The following PLGRKT variants were observed in gnomAD, a reference collection of about 807,000 sequenced individuals.
PLGRKT encodes the protein plasminogen receptor (KT).
Under a neutral mutation model 18.5 loss-of-function variants are expected in PLGRKT, and 22 were observed. The ratio of observed to expected loss-of-function variants is 1.19; its 90% confidence interval spans 0.85 to 1.70. PLGRKT has a LOEUF of 1.70. Among genes scored for constraint, PLGRKT ranks in the 40% most tolerant of loss-of-function variants. PLGRKT has a pLI of 0.00. For synonymous variants in PLGRKT, 72 were observed against 52.8 expected (o/e 1.36, Z -1.58); for missense variants, 235 against 174.4 (o/e 1.35, Z -1.96).
chr9:5,372,388 A>G (rs998887310), intron 3 of PLGRKT, among the ~76,000 whole-genome samples: 1 of 152,148 alleles, frequency 6.6e-6, no homozygotes, highest in Non-Finnish European at 1.5e-5. Flanking sequence ...CCCAAACCCT[A>G]TGAGGTTAGT....
rs938303894 is a variant in PLGRKT at position 5,402,844 on chromosome 9, A to C, written c.81+29053T>G. On this transcript the variant is annotated intron_variant, in intron 3 of 5. Coordinates refer to ENST00000223864, the MANE Select transcript of PLGRKT (RefSeq NM_018465.4). ...CTTAACGTTTTTGAAATTTAGGAAG[A>C]AATGATGGTTAGCACAAATCAGAAT... 2.0e-5 allele frequency among the ~76,000 whole-genome samples: 3 copies of C among 152,000 alleles called. 1 individual carries two copies. The highest frequency in any genetic ancestry group is 1.3e-4 in the Admixed American group (2 of 15,272).
intron 3 of PLGRKT, among the ~76,000 whole-genome samples, chr9:5,369,349 T>C (rs1817466118): frequency 6.6e-6 from 1 of 152,212 alleles, no homozygotes; most frequent in Non-Finnish European, 1.5e-5. Flanking sequence ...ATGCTCATCA[T>C]CACTGGTCAT....
chr9:5,372,266 T>C (rs9785219), intron 3 of PLGRKT, among the ~76,000 whole-genome samples: 23,706 of 152,034 alleles, frequency 0.16, 2,057 homozygotes, highest in East Asian at 0.3. Flanking sequence ...AATTGCAGCA[T>C]GCTTGATTTT....
intron 3 of PLGRKT, among the ~76,000 whole-genome samples, chr9:5,391,186 A>T (rs1290487264): frequency 6.6e-6 from 1 of 151,950 alleles, no homozygotes; most frequent in African/African-American, 2.4e-5. Context: ...AAAATCACTG[A>T]TTTGAGGCAA....
chr9:5,365,208 T>A (rs1411550309), intron 3 of PLGRKT, among the ~76,000 whole-genome samples: 1 of 152,122 alleles, frequency 6.6e-6, no homozygotes, highest in Non-Finnish European at 1.5e-5. Context: ...CTACAGAATC[T>A]TATAGTGCCA....
chr9:5,375,246 A>C (rs904128052), intron 3 of PLGRKT, among the ~76,000 whole-genome samples: 2 of 152,196 alleles, frequency 1.3e-5, no homozygotes, highest in Non-Finnish European at 2.9e-5. Context: ...GCCTAATTTG[A>C]TAGTATTGAC....
intron 2 of PLGRKT, among the ~76,000 whole-genome samples, chr9:5,432,531 T>C (rs1177279590): frequency 2.3e-5 from 3 of 130,464 alleles, no homozygotes; most frequent in South Asian, 5.7e-4. Flanking sequence ...ACGGTCTCCC[T>C]CTCTTGCGGA....
chr9:5,396,315 T>C (rs1818047480), intron 3 of PLGRKT, among the ~76,000 whole-genome samples: 1 of 151,858 alleles, frequency 6.6e-6, no homozygotes, highest in Non-Finnish European at 1.5e-5. Flanking sequence ...AGACAGGGTG[T>C]CACTCTGTAG....
At position 5,429,991 on chromosome 9, in the gene PLGRKT, C is replaced by G. The variant is rs1355786219; in HGVS notation, c.81+1906G>C. Among the ~76,000 whole-genome samples, 3 of 152,134 alleles carry G rather than the reference C, an allele frequency of 2.0e-5. No individual in the cohort carries two copies. In the East Asian group the frequency reaches 5.8e-4, roughly 29 times the overall value. On this transcript the variant is annotated intron_variant, in intron 3 of 5. Coordinates refer to ENST00000223864, the MANE Select transcript of PLGRKT (RefSeq NM_018465.4). ...CCACAACCCACCCCTTGCTCATGGCCCACTGTAAAAGCAGTAGGCTCCCTA... is the reference window on the plus strand; with the variant it reads ...CCACAACCCACCCCTTGCTCATGGCGCACTGTAAAAGCAGTAGGCTCCCTA...
intron 3 of PLGRKT, among the ~76,000 whole-genome samples, chr9:5,427,660 G>A (rs1306761299): frequency 6.6e-6 from 1 of 152,122 alleles, no homozygotes; most frequent in Non-Finnish European, 1.5e-5. Flanking sequence ...TATCCACTGG[G>A]GATCTTGGAC....
intron 5 of PLGRKT, among the ~76,000 whole-genome samples, chr9:5,360,842 G>T (rs960514447): frequency 6.6e-6 from 1 of 152,164 alleles, no homozygotes; most frequent in Non-Finnish European, 1.5e-5. Flanking sequence ...TACATTAAGT[G>T]ACTATGTTTA....
intron 3 of PLGRKT, 87 bp downstream of exon 3, chr9:5,431,810 A>T (rs1451353319): frequency 1.5e-6 from 1 of 672,404 alleles, no homozygotes; most frequent in African/African-American, 1.8e-5. Context: ...TATTGTTGGG[A>T]GTCAAAGAGA....
At chr9:5,361,946 G>C in intron 3 of PLGRKT, 58 bp from the exon 4 acceptor site, 1 of 1,493,140 alleles carries the variant, frequency 6.7e-7, no homozygotes, top group Non-Finnish European at 9.1e-7. Flanking sequence ...TGAACAAATA[G>C]TTAATAATCT....
chr9:5,422,122 T>A (rs975021588), intron 3 of PLGRKT, among the ~76,000 whole-genome samples: 3 of 152,204 alleles, frequency 2.0e-5, no homozygotes, highest in Non-Finnish European at 4.4e-5. Flanking sequence ...AATGAGAGAA[T>A]ATTTTTAAAC....
At chr9:5,380,158 A>G (rs1358165676) in intron 3 of PLGRKT, among the ~76,000 whole-genome samples, 1 of 152,078 alleles carries the variant, frequency 6.6e-6, no homozygotes, top group East Asian at 1.9e-4. Flanking sequence ...AGGTCAGGAG[A>G]TTGAGATCAT....
At chr9:5,404,661 A>T (rs1222452229) in intron 3 of PLGRKT, among the ~76,000 whole-genome samples, 1 of 152,190 alleles carries the variant, frequency 6.6e-6, no homozygotes, top group Non-Finnish European at 1.5e-5. Flanking sequence ...ACAAACCCAC[A>T]GCCAATAGCA....
At position 5,399,490 on chromosome 9, in the gene PLGRKT, TC is replaced by T. The variant is rs374522637; in HGVS notation, c.81+32406del. 1.8e-4 allele frequency among the ~76,000 whole-genome samples: 27 copies of T among 151,946 alleles called. No individual in the cohort carries two copies. In the East Asian group the frequency reaches 3.9e-3, roughly 22 times the overall value. On this transcript the variant is annotated intron_variant, in intron 3 of 5. Coordinates refer to ENST00000223864, the MANE Select transcript of PLGRKT (RefSeq NM_018465.4). ...AGTTGTGCATTTTTAGATTGTCCGG[TC>T]CTTGCAAGTGACAGTTAGTGAATAT...
chr9:5,374,587 G>A (rs1817592023), intron 3 of PLGRKT, among the ~76,000 whole-genome samples: 1 of 152,120 alleles, frequency 6.6e-6, no homozygotes, highest in African/African-American at 2.4e-5. Context: ...ATGAAATTGG[G>A]TTCAAATTCT....
chr9:5,415,234 G>A (rs768339870), intron 3 of PLGRKT, among the ~76,000 whole-genome samples: 1 of 152,196 alleles, frequency 6.6e-6, no homozygotes, highest in African/African-American at 2.4e-5. Flanking sequence ...TCAAAGTCAA[G>A]GCTGAAACAA....
Sources: allele counts gnomAD v4.1 joint callset (sites outside exome capture counted in the v4.1 genomes callset), GRCh38; gene constraint gnomAD v4.1.1; transcripts MANE v1.5; gene names NCBI Gene and HGNC (gene_info 2026-07-23, HGNC 2026-07-21).